Variants in SORBS2 observed in about 807,000 individuals in gnomAD.
SORBS2 encodes the protein sorbin and SH3 domain-containing protein 2.
A neutral mutation model predicts 97.7 loss-of-function variants in SORBS2; 46 were observed. That is an observed-to-expected ratio of 0.47 (90% CI 0.37 to 0.60). The LOEUF is 0.60. Ranked by LOEUF, SORBS2 falls within the 20% of genes least tolerant of loss-of-function variation. The pLI is 0.00. For synonymous variants in SORBS2, 476 were observed against 473.4 expected (o/e 1.01, Z -0.07); for missense variants, 1,316 against 1,282.3 (o/e 1.03, Z -0.40).
chr4:185,768,707 A>AC (rs1362182072), intron 2 of SORBS2, among the ~76,000 whole-genome samples: 1 of 105,806 alleles, frequency 9.5e-6, no homozygotes, highest in East Asian at 2.3e-4. Flanking sequence ...TCAAAAAAAA[A>AC]AAAACAAAAA....
rs556598900 is a variant in SORBS2 at position 185,948,800 on chromosome 4, G to A, written c.-338+7396C>T. On this transcript the variant is annotated intron_variant, in intron 1 of 20. Transcript: ENST00000284776. ...CCCAAAGTGCTGGGATTACAAGTGT[G>A]AGCCACCACGCCAGGCTATGAATTT... Among the ~76,000 whole-genome samples, 9 of 152,080 alleles carry A rather than the reference G, an allele frequency of 5.9e-5. No individual in the cohort carries two copies. The East Asian group carries it at 1.7e-3, about 29-fold the overall frequency.
intron 2 of SORBS2, among the ~76,000 whole-genome samples, chr4:185,691,384 T>G (rs988735916): frequency 7.9e-5 from 12 of 152,264 alleles, no homozygotes; most frequent in African/African-American, 2.9e-4. Flanking sequence ...TTTTAAAAAA[T>G]TAAATTTCTT....
chr4:185,842,579 T>C lies in SORBS2; in HGVS notation c.-337-67213A>G, dbSNP rs574406467. ...TGATCAGATTTGTGTTGAAAAATAG[T>C]CACTAGAGAAACCAGCCCATGGAAG... On this transcript the variant is annotated intron_variant, in intron 1 of 20. Transcript: ENST00000284776. 7.2e-5 allele frequency among the ~76,000 whole-genome samples: 11 copies of C among 152,188 alleles called. No individual in the cohort carries two copies. The South Asian group carries it at 1.2e-3, about 17-fold the overall frequency.
chr4:185,895,456 G>A (rs887616459), intron 1 of SORBS2, among the ~76,000 whole-genome samples: 1 of 152,240 alleles, frequency 6.6e-6, no homozygotes, highest in Non-Finnish European at 1.5e-5. Flanking sequence ...GGTGAGGGCA[G>A]TGGAGGAAAG....
intron 1 of SORBS2, among the ~76,000 whole-genome samples, chr4:185,934,258 T>C (rs1452247189): frequency 2.0e-5 from 3 of 152,180 alleles, no homozygotes; most frequent in African/African-American, 7.2e-5. Flanking sequence ...ATTCCACAGA[T>C]GATTTTCAGA....
intron 2 of SORBS2, among the ~76,000 whole-genome samples, chr4:185,726,123 C>T (rs2098553151): frequency 6.6e-6 from 1 of 152,082 alleles, no homozygotes; most frequent in Non-Finnish European, 1.5e-5. Flanking sequence ...ACTGGTGTGG[C>T]GAGGCAGGTG....
exon 1 of SORBS2, chr4:185,656,919 A>G (rs951144065): frequency 8.2e-7 from 1 of 1,222,542 alleles, no homozygotes; most frequent in Non-Finnish European, 1.0e-6. Context: ...TTTCCTTTCC[A>G]TGACATTAAC....
At chr4:185,865,614 C>G (rs1239932866) in intron 1 of SORBS2, among the ~76,000 whole-genome samples, 1 of 152,194 alleles carries the variant, frequency 6.6e-6, no homozygotes, top group Non-Finnish European at 1.5e-5. Flanking sequence ...CAAGAACATC[C>G]TTCCTAAAGG....
At chr4:185,850,317 C>T (rs572037357) in intron 1 of SORBS2, among the ~76,000 whole-genome samples, 66 of 152,174 alleles carry the variant, frequency 4.3e-4, no homozygotes, top group Non-Finnish European at 4.3e-4. Context: ...GGCAGTCTTG[C>T]TGAGATATTA....
At chr4:185,719,003 C>G (rs2098488789) in intron 2 of SORBS2, among the ~76,000 whole-genome samples, 1 of 152,086 alleles carries the variant, frequency 6.6e-6, no homozygotes, top group Non-Finnish European at 1.5e-5. Context: ...ATGAGTCACA[C>G]TCTCTACAAG....
intron 1 of SORBS2, among the ~76,000 whole-genome samples, chr4:185,777,946 TTAA>T (rs2099007985): frequency 6.6e-6 from 1 of 152,206 alleles, no homozygotes; most frequent in Non-Finnish European, 1.5e-5. Flanking sequence ...TAAAAATAGA[TTAA>T]TGTTGTCTCT....
In SORBS2 at chr4:185,648,851, G is replaced by A. The variant is rs1441599492; in HGVS notation, c.281+616C>T. 3.3e-5 allele frequency among the ~76,000 whole-genome samples: 5 copies of A among 152,132 alleles called. No individual in the cohort carries two copies. The East Asian group carries it at 9.6e-4, about 29-fold the overall frequency. ...ACACAGAAAAAGCACTTAGCCTAGT[G>A]CTTGGCTTGTAATGAGCGCTCAATG... is the stretch of plus-strand genomic sequence containing the variant. On this transcript the variant is annotated intron_variant, in intron 3 of 14. Transcript: ENST00000418609.
intron 7 of SORBS2, among the ~76,000 whole-genome samples, chr4:185,622,679 A>G (rs1376895400): frequency 1.3e-5 from 2 of 152,238 alleles, no homozygotes. Context: ...TTTTCGAAAG[A>G]GTAAATTTTT....
At chr4:185,850,678 G>C (rs192471151) in intron 1 of SORBS2, among the ~76,000 whole-genome samples, 9 of 152,138 alleles carry the variant, frequency 5.9e-5, no homozygotes, top group African/African-American at 2.2e-4. Context: ...CTATTGAGTC[G>C]GGTTGAAATA....
At chr4:185,883,702 A>G (rs1416548931) in intron 1 of SORBS2, among the ~76,000 whole-genome samples, 1 of 152,346 alleles carries the variant, frequency 6.6e-6, no homozygotes, top group African/African-American at 2.4e-5. Context: ...AACAAATTAA[A>G]TTATCCGGGT....
chr4:185,815,861 C>G (rs1363891645), intron 1 of SORBS2, among the ~76,000 whole-genome samples: 1 of 152,042 alleles, frequency 6.6e-6, no homozygotes, highest in Non-Finnish European at 1.5e-5. Context: ...TTGCACTTTT[C>G]TATAAGTTTG....
chr4:185,806,709 C>T (rs1182240894), intron 1 of SORBS2, among the ~76,000 whole-genome samples: 2 of 152,000 alleles, frequency 1.3e-5, no homozygotes, highest in Non-Finnish European at 2.9e-5. Context: ...CCGCCCGCCT[C>T]GGCCTCCCAA....
rs1207023132 is a variant in SORBS2 at position 185,752,403 on chromosome 4, G to A, written c.-198+22824C>T. ...CCATTCTCCTGCCTCAGCCTCCCGAGTAGCTTGGACTACAGGCGCCCGCCA... is the reference window on the plus strand; with the variant it reads ...CCATTCTCCTGCCTCAGCCTCCCGAATAGCTTGGACTACAGGCGCCCGCCA... On this transcript the variant is annotated intron_variant, in intron 2 of 20. Transcript: ENST00000284776. Among the ~76,000 whole-genome samples the A allele has an allele frequency of 5.3e-5, 8 of 152,276 alleles. No individual in the cohort carries two copies. In the East Asian group the frequency reaches 1.4e-3, roughly 26 times the overall value.
chr4:185,906,329 G>A (rs2149850102), intron 1 of SORBS2, among the ~76,000 whole-genome samples: 1 of 152,242 alleles, frequency 6.6e-6, no homozygotes, highest in Non-Finnish European at 1.5e-5. Context: ...CACCACGCCT[G>A]GCCTGTTTAT....
Sources: gnomAD v4.1 joint callset for allele counts (sites outside exome capture counted in the v4.1 genomes callset) on GRCh38, gnomAD v4.1.1 for gene constraint, MANE v1.5 for transcripts, NCBI Gene and HGNC (gene_info 2026-07-23, HGNC 2026-07-21) for gene names.